Variants in TMEM210 observed in about 807,000 individuals in gnomAD.
TMEM210 encodes transmembrane protein 210.
Under a neutral mutation model 10.3 loss-of-function variants are expected in TMEM210, and 7 were observed. The ratio of observed to expected loss-of-function variants is 0.68; its 90% CI spans 0.39 to 1.28. TMEM210 has a LOEUF of 1.28. TMEM210 is among the 50% of genes most tolerant of loss of function. The pLI, the probability that TMEM210 is intolerant of heterozygous loss-of-function variation, is 0.01. For missense variants in TMEM210, 185 were observed against 197.8 expected (o/e 0.94, Z 0.39); for synonymous variants, 79 against 81.2 (o/e 0.97, Z 0.14).
chr9:137,171,227 G>A (rs1031912884), intron 3 of TMEM210, 63 bp from the exon 4 acceptor site: 42 of 1,498,376 alleles, frequency 2.8e-5, no homozygotes, highest in Middle Eastern at 1.7e-4. Context: ...ACAGGCTGGC[G>A]TCTGGGACAG....
chr9:137,171,188 C>T (rs754410685), intron 3 of TMEM210, 24 bp from the exon 4 acceptor site: 31 of 1,530,530 alleles, frequency 2.0e-5, no homozygotes, highest in East Asian at 4.9e-5. Context: ...CGGGTCATCA[C>T]GAGCTGGTAG....
At position 137,171,033 on chromosome 9, in the gene TMEM210, A is replaced by G; in HGVS notation, c.386T>C (p.Ile129Thr). Residue 129 changes from isoleucine to threonine, a missense_variant, in exon 4 of 4, where the codon ATC becomes ACC. Physicochemically the swap from Ile to Thr is moderately conservative, Grantham distance 89. Transcript: ENST00000413619. ...PPLEDQSLVA[I>T]PMEASSEEPP... is the part of the protein sequence containing the mutation. ...CTCCTCTGAAGAAGCCTCCATGGGG[A>G]TGGCCACAAGGCTCTGATCCTCTAG... The G allele has an allele frequency of 1.8e-5, 28 of 1,535,176 alleles. No homozygotes were observed. Among genetic ancestry groups the G allele is most frequent in the Non-Finnish European group, 2.4e-5 (27 of 1,146,476 alleles).
At chr9:137,171,521 G>A (rs1220414261) in intron 2 of TMEM210, 78 bp from the exon 3 acceptor site, 68 of 1,534,520 alleles carry the variant, frequency 4.4e-5, no homozygotes, top group Non-Finnish European at 5.5e-5. Context: ...CCTAGGAAAC[G>A]CCATTCCTAC....
At chr9:137,171,919 T>G (rs1588752236) in intron 1 of TMEM210, 21 bp downstream of exon 1, 1 of 1,433,062 alleles carries the variant, frequency 7.0e-7, no homozygotes, top group Non-Finnish European at 9.1e-7. Context: ...GGGAGTGGAG[T>G]GCGGGGGCAG....
Position 137,170,994 on chromosome 9 carries a change from G to C in TMEM210, c.425C>G (p.Pro142Arg), listed in dbSNP as rs541483759. ...AGCCCTCTACTCAGGTGGTAGGGGCGGGGGTGGTGGCGGCTCCTCTGAAGA... is the reference window on the plus strand; with the variant it reads ...AGCCCTCTACTCAGGTGGTAGGGGCCGGGGTGGTGGCGGCTCCTCTGAAGA... ...EASSEEPPPPPPLPPE is the reference protein window; with the variant it reads ...EASSEEPPPPRPLPPE The change falls in exon 4 of 4, where the codon CCG (proline) becomes CGG (arginine). Residue 142 changes from proline (P) to arginine (R), a missense_variant. Transcript: ENST00000413619. The C allele has an allele frequency of 6.5e-7, 1 of 1,534,234 alleles. No individual in the cohort carries two copies. The highest frequency in any genetic ancestry group is 8.7e-7 in the Non-Finnish European group (1 of 1,145,978).
rs959557579 is a variant in TMEM210 at position 137,171,973 on chromosome 9, T to C, written c.55A>G (p.Thr19Ala). 1 of 1,422,028 alleles carries C rather than the reference T, an allele frequency of 7.0e-7. No homozygotes were observed. The highest frequency in any genetic ancestry group is 3.0e-5 in the Admixed American group (1 of 32,910). The allele number at this position is 1,422,028 out of a possible 1,614,324, so 88.1% of individuals were successfully genotyped here. The change falls in exon 1 of 4, where the codon ACA becomes GCA. Residue 19 changes from threonine to alanine, a missense_variant. Physicochemically the swap from Thr to Ala is moderately conservative, Grantham distance 58. Coordinates refer to ENST00000413619, the MANE Select transcript of TMEM210 (RefSeq NM_001282477.2). Reference sequence around the variant, plus strand: ...GGGATGAGCAGAAGGGACAAATATGTGAGGCCCAAGGGGCCACCACGCAGG... The same window carrying C: ...GGGATGAGCAGAAGGGACAAATATGCGAGGCCCAAGGGGCCACCACGCAGG... ...SCLRGGPLGLTYLSLLLIPAA... is the reference protein window; with the variant it reads ...SCLRGGPLGLAYLSLLLIPAA...
Position 137,171,928 on chromosome 9 carries a change from A to AAG in TMEM210, c.88+11_88+12insCT, listed in dbSNP as rs1402974235. The AAG allele has an allele frequency of 1.3e-5, 18 of 1,433,642 alleles. No individual in the cohort carries two copies. Among genetic ancestry groups the AAG allele is most frequent in the Non-Finnish European group, 1.5e-5 (17 of 1,097,222 alleles). 88.8% of individuals were successfully genotyped at this position (1,433,642 alleles called of 1,614,324 possible). A position where few individuals can be genotyped will look rare whatever the true frequency, so the allele number is the denominator to read the frequency against. ...ATGGCTGGGAGTGGAGTGCGGGGGC[A>AAG]GGAGGAGGCACCTGCAGCAGGGATG... On this transcript the variant is annotated intron_variant, in intron 1 of 3. Transcript: ENST00000413619.
intron 3 of TMEM210, 81 bp from the exon 4 acceptor site, chr9:137,171,245 C>T (rs1399581796): frequency 2.0e-6 from 3 of 1,481,018 alleles, no homozygotes; most frequent in Non-Finnish European, 1.8e-6. Flanking sequence ...CAGTGCACCC[C>T]CACAAAGGGC....
Position 137,171,177 on chromosome 9 carries a change from C to T in TMEM210, c.255-13G>A. 6.5e-7 allele frequency: 1 copy of T among 1,532,892 alleles called. No homozygotes were observed. The allele number at this position is 1,532,892 out of a possible 1,614,324, so 95.0% of individuals were successfully genotyped here. ...ATTCTCCACCAACCTGCATGACGGGCCGGGTCATCACGAGCTGGTAGAGTC... is the reference window on the plus strand; with the variant it reads ...ATTCTCCACCAACCTGCATGACGGGTCGGGTCATCACGAGCTGGTAGAGTC... On this transcript the variant is annotated splice_polypyrimidine_tract_variant and intron_variant, in intron 3 of 3. Coordinates refer to ENST00000413619, the MANE Select transcript of TMEM210 (RefSeq NM_001282477.2).
In TMEM210 at chr9:137,170,963, G is replaced by C; in HGVS notation, c.*12C>G. The C allele has an allele frequency of 6.5e-7, 1 of 1,528,734 alleles. No homozygotes were observed. Among genetic ancestry groups the C allele is most frequent in the Non-Finnish European group, 8.8e-7 (1 of 1,142,608 alleles). The allele number at this position is 1,528,734 out of a possible 1,614,324, so 94.7% of individuals were successfully genotyped here. On this transcript the variant is annotated 3_prime_UTR_variant, in exon 4 of 4. Transcript: ENST00000413619. The stretch of plus-strand genomic sequence containing the variant: ...ACGCTTTAATTCCCCTCCCCCAGCT[G>C]CCCTCAGCCCTCTACTCAGGTGGTA...
chr9:137,171,921 C>CG lies in TMEM210; in HGVS notation c.88+18dup. The CG allele has an allele frequency of 1.4e-6, 2 of 1,433,398 alleles. No individual in the cohort carries two copies. Among genetic ancestry groups the CG allele is most frequent in the Middle Eastern group, 3.6e-4 (2 of 5,494 alleles). 88.8% of individuals were successfully genotyped at this position (1,433,398 alleles called of 1,614,324 possible). ...GGGAGCCATGGCTGGGAGTGGAGTG[C>CG]GGGGGCAGGAGGAGGCACCTGCAGC... On this transcript the variant is annotated intron_variant, in intron 1 of 3. Coordinates refer to ENST00000413619, the MANE Select transcript of TMEM210 (RefSeq NM_001282477.2).
In TMEM210 at chr9:137,171,004, G is replaced by GCGGCT. The variant is rs1834096038; in HGVS notation, c.410_414dup (p.Pro139SerfsTer26). ...TCAGGTGGTAGGGGCGGGGGTGGTGGCGGCTCCTCTGAAGAAGCCTCCATG... is the reference window on the plus strand; with the variant it reads ...TCAGGTGGTAGGGGCGGGGGTGGTGGCGGCTCGGCTCCTCTGAAGAAGCCTCCATG... On this transcript the variant is annotated frameshift_variant, in exon 4 of 4. Transcript: ENST00000413619. LOFTEE classifies it low-confidence loss of function (END_TRUNC). The GCGGCT allele has an allele frequency of 6.5e-7, 1 of 1,534,834 alleles. No homozygotes were observed. The highest frequency in any genetic ancestry group is 8.7e-7 in the Non-Finnish European group (1 of 1,146,302).
In TMEM210 at chr9:137,170,910, CA is replaced by C; in HGVS notation, c.*64del. 1 of 1,457,464 alleles carries C rather than the reference CA, an allele frequency of 6.9e-7. No individual in the cohort carries two copies. The highest frequency in any genetic ancestry group is 9.1e-7 in the Non-Finnish European group (1 of 1,096,992). The allele number at this position is 1,457,464 out of a possible 1,614,324, so 90.3% of individuals were successfully genotyped here. On this transcript the variant is annotated 3_prime_UTR_variant, in exon 4 of 4. Coordinates refer to ENST00000413619, the MANE Select transcript of TMEM210 (RefSeq NM_001282477.2). ...CCCCAGCTGCCCTCAGGAGGGCCTG[CA>C]GGGAGGACAGTGCACAGCCACTAAA...
In TMEM210 at chr9:137,171,451, GA is replaced by G. The variant is rs1157978117; in HGVS notation, c.225-9del. 6.5e-7 allele frequency: 1 copy of G among 1,535,430 alleles called. No individual in the cohort carries two copies. The highest frequency in any genetic ancestry group is 1.4e-5 in the African/African-American group (1 of 73,006). On this transcript the variant is annotated splice_polypyrimidine_tract_variant and intron_variant, in intron 2 of 3. Transcript: ENST00000413619. ...TGTCTCGGGCATGTTTCACTGAGGG[GA>G]CGAAGGCCAACATGAGTCCTGGAAC...
chr9:137,171,229 C>T, intron 3 of TMEM210, 65 bp from the exon 4 acceptor site: 1 of 1,503,238 alleles, frequency 6.7e-7, no homozygotes, highest in Non-Finnish European at 8.9e-7. Context: ...AGGCTGGCGT[C>T]TGGGACAGTG....
chr9:137,171,281 T>C (rs559668569), intron 3 of TMEM210, 117 bp from the exon 4 acceptor site: 264 of 1,479,008 alleles, frequency 1.8e-4, no homozygotes, highest in Non-Finnish European at 2.3e-4. Context: ...ACACCTCCTC[T>C]TCCAGGGACA....
intron 2 of TMEM210, 85 bp downstream of exon 2, chr9:137,171,556 G>GT: frequency 2.0e-6 from 3 of 1,532,178 alleles, no homozygotes; most frequent in Non-Finnish European, 2.6e-6. Context: ...CACCCAGGGG[G>GT]TAAAGCCCTT....
At chr9:137,171,335 ACT>A in intron 3 of TMEM210, 77 bp downstream of exon 3, 1 of 1,520,840 alleles carries the variant, frequency 6.6e-7, no homozygotes, top group Non-Finnish European at 8.8e-7. Context: ...TCCTCCAGGG[ACT>A]CCCCTGGGAT....
In TMEM210 at chr9:137,171,282, T is replaced by C. The variant is rs1360648324; in HGVS notation, c.255-118A>G. ...TCCCTTGGGACAGCACACCTCCTCTTCCAGGGACAGCACCCCTCCTCCTCC... is the reference window on the plus strand; with the variant it reads ...TCCCTTGGGACAGCACACCTCCTCTCCCAGGGACAGCACCCCTCCTCCTCC... On this transcript the variant is annotated intron_variant, in intron 3 of 3. Transcript: ENST00000413619. 4.0e-6 allele frequency: 6 copies of C among 1,481,896 alleles called. No individual in the cohort carries two copies. In the South Asian group the frequency reaches 4.9e-5, roughly 12 times the overall value. 91.8% of individuals were successfully genotyped at this position (1,481,896 alleles called of 1,614,324 possible).
Sources: gnomAD v4.1 joint callset for allele counts on GRCh38, gnomAD v4.1.1 for gene constraint, MANE v1.5 for transcripts, NCBI Gene and HGNC (gene_info 2026-07-23, HGNC 2026-07-21) for gene names.